MACF1: variants seen among roughly 807,000 people sequenced by gnomAD.
The protein encoded by MACF1 is microtubule-actin cross-linking factor 1.
MACF1 carries 193 observed loss-of-function variants against 854.8 expected under a neutral mutation model. The observed-to-expected ratio is 0.23, with a 90% CI of 0.20 to 0.25. The LOEUF is 0.25. MACF1 is among the 10% of genes least tolerant of loss of function. MACF1 has a pLI of 1.00. For synonymous variants in MACF1, 3,185 were observed against 3,226.7 expected (o/e 0.99, Z 0.44); for missense variants, 7,722 against 8,929.1 (o/e 0.86, Z 5.45).
intron 6 of MACF1, chr1:39,269,866 A>T (rs1024115384): frequency 7.2e-6 from 4 of 552,932 alleles, no homozygotes; most frequent in African/African-American, 2.0e-5. Flanking sequence ...GGAGCTCAGC[A>T]AGCAGAATCT....
At chr1:39,116,924 TC>T (rs1642562447) in intron 2 of MACF1, among the ~76,000 whole-genome samples, 2 of 152,148 alleles carry the variant, frequency 1.3e-5, no homozygotes, top group Admixed American at 6.5e-5. Flanking sequence ...TTTACTACTC[TC>T]CCCAGGGCAG....
chr1:39,375,866 C>A (rs1410793697), intron 52 of MACF1, among the ~76,000 whole-genome samples: 1 of 152,230 alleles, frequency 6.6e-6, no homozygotes, highest in Non-Finnish European at 1.5e-5. Context: ...AACTGTCCAA[C>A]TGACTTGAAG....
chr1:39,207,305 T>G (rs1251140037), intron 1 of MACF1, among the ~76,000 whole-genome samples: 2 of 150,870 alleles, frequency 1.3e-5, no homozygotes, highest in East Asian at 2.0e-4. Flanking sequence ...GGAGACGGAG[T>G]TTTGCTCTTG....
At chr1:39,258,633 G>A (rs1645122898) in intron 6 of MACF1, among the ~76,000 whole-genome samples, 1 of 152,168 alleles carries the variant, frequency 6.6e-6, no homozygotes, top group Non-Finnish European at 1.5e-5. Flanking sequence ...GAAAAGTACA[G>A]CCCTATTTTT....
chr1:39,235,168 A>G (rs1191616693), intron 2 of MACF1, among the ~76,000 whole-genome samples: 1 of 152,092 alleles, frequency 6.6e-6, no homozygotes, highest in African/African-American at 2.4e-5. Context: ...TGGGAGGTGG[A>G]GGTTGTAGCG....
In MACF1 at chr1:39,105,795, T is replaced by C. The variant is rs1642215318; in HGVS notation, c.220+21357T>C. Reference sequence around the variant, plus strand: ...CTTCGGAGCCGGTCGGCTCGGCGGCTGCAGGTGGGGCGGCCGGGCGGGGTC... The same window carrying C: ...CTTCGGAGCCGGTCGGCTCGGCGGCCGCAGGTGGGGCGGCCGGGCGGGGTC... On this transcript the variant is annotated intron_variant, in intron 2 of 93. Coordinates refer to the MACF1 transcript ENST00000361689. This position sits in a 1 kb window ranked among gnomAD's most constrained non-coding sequence, Gnocchi z 5.9. 1.0e-6 allele frequency: 1 copy of C among 993,540 alleles called. No individual in the cohort carries two copies. Among genetic ancestry groups the C allele is most frequent in the Non-Finnish European group, 1.2e-6 (1 of 833,636 alleles). The allele number at this position is 993,540 out of a possible 1,614,324, so 61.5% of individuals were successfully genotyped here. A position where few individuals can be genotyped will look rare whatever the true frequency, so the allele number is the denominator to read the frequency against.
At chr1:39,247,773 C>T (rs945573334) in intron 2 of MACF1, among the ~76,000 whole-genome samples, 1 of 152,212 alleles carries the variant, frequency 6.6e-6, no homozygotes, top group Non-Finnish European at 1.5e-5. Context: ...TGGCTCACGC[C>T]TGTAATCCCA....
At chr1:39,393,200 T>C (rs11485524) in intron 58 of MACF1, among the ~76,000 whole-genome samples, 1 of 114,142 alleles carries the variant, frequency 8.8e-6, no homozygotes, top group Non-Finnish European at 1.7e-5. Flanking sequence ...AAAAAAAATA[T>C]ATATATATAT....
At chr1:39,447,179 A>G (rs77637975) in intron 80 of MACF1, among the ~76,000 whole-genome samples, 1,803 of 152,326 alleles carry the variant, frequency 0.012, 31 homozygotes, top group African/African-American at 0.041. Flanking sequence ...AGAGTAGCAG[A>G]GAAAGGAACT....
intron 6 of MACF1, among the ~76,000 whole-genome samples, chr1:39,267,738 C>G (rs1334436419): frequency 6.6e-6 from 1 of 152,046 alleles, no homozygotes; most frequent in Non-Finnish European, 1.5e-5. Flanking sequence ...CATCAGAGAC[C>G]CTGTTCATCT....
At chr1:39,100,593 C>G (rs1189122006) in intron 2 of MACF1, among the ~76,000 whole-genome samples, 1 of 152,162 alleles carries the variant, frequency 6.6e-6, no homozygotes. Context: ...GTGGCTCATG[C>G]CTGTAATCCC....
chr1:39,421,074 T>C (rs1004145439), intron 58 of MACF1, among the ~76,000 whole-genome samples: 5 of 151,930 alleles, frequency 3.3e-5, no homozygotes, highest in Admixed American at 3.3e-4. Context: ...ACCATGTTAG[T>C]CAGGATGGTC....
At chr1:39,192,324 C>T (rs542299969) in intron 2 of MACF1, among the ~76,000 whole-genome samples, 94 of 152,102 alleles carry the variant, frequency 6.2e-4, no homozygotes, top group African/African-American at 2.2e-3. Flanking sequence ...TGAGTCACCT[C>T]GGGGAATGGA....
At chr1:39,104,386 GTTTCCTTTCTTTACTC>G (rs1257126605) in intron 2 of MACF1, among the ~76,000 whole-genome samples, 1 of 152,176 alleles carries the variant, frequency 6.6e-6, no homozygotes, top group Non-Finnish European at 1.5e-5. Flanking sequence ...ATATTTTCCA[GTTTCCTTTCTTTACTC>G]TTTCCTTTCC....
At chr1:39,393,196 A>AAAAAAAAAAAAAAAAAAAAATATATAT in intron 58 of MACF1, among the ~76,000 whole-genome samples, 1 of 66,564 alleles carries the variant, frequency 1.5e-5, no homozygotes. Context: ...AAAAAAAAAA[A>AAAAAAAAAAAAAAAAAAAAATATATAT]ATATATATAT....
chr1:39,234,651 C>CCCCA (rs1557534237), intron 2 of MACF1, among the ~76,000 whole-genome samples: 1 of 120,894 alleles, frequency 8.3e-6, no homozygotes, highest in Non-Finnish European at 1.8e-5. Context: ...GGGCTGACCC[C>CCCCA]CCCACCTCCC....
At position 39,282,262 on chromosome 1, in the gene MACF1, C is replaced by G. The variant is rs758822360; in HGVS notation, c.583C>G (p.Leu195Val). ...AGGGGATATGTCAGCCAAGGAGAAA[C>G]TACTCCTGTGGACCCAGAAGGTGAC... is the stretch of plus-strand genomic sequence containing the variant. ...ESGDMSAKEK[L>V]LLWTQKVTAG... Residue 195 changes from leucine to valine, a missense_variant, in exon 7 of 101, where the codon CTA (leucine) becomes GTA (valine). Transcript: ENST00000564288. 1 of 1,614,066 alleles carries G rather than the reference C, an allele frequency of 6.2e-7. No individual in the cohort carries two copies.
At position 39,309,585 on chromosome 1, in the gene MACF1, T is replaced by C. The variant is rs749912487; in HGVS notation, c.2805T>C (p.Tyr935=). 10 of 1,614,200 alleles carry C rather than the reference T, an allele frequency of 6.2e-6. No homozygotes were observed. The highest frequency in any genetic ancestry group is 4.5e-5 in the East Asian group (2 of 44,886). Residue 935 remains tyrosine, a synonymous_variant, in exon 24 of 101, where the codon TAT becomes TAC. Coordinates refer to ENST00000564288, the MANE Select transcript of MACF1 (RefSeq NM_001394062.1). ...TTATTTCTAGGGTCGAACAATCTTATCAGAAGGTTATGGCCCTTTGGCATC... is the reference window on the plus strand; with the variant it reads ...TTATTTCTAGGGTCGAACAATCTTACCAGAAGGTTATGGCCCTTTGGCATC... ...IEMASRVEQS[Y]QKVMALWHQL...
intron 26 of MACF1, among the ~76,000 whole-genome samples, chr1:39,312,020 C>A (rs1305997768): frequency 6.6e-6 from 1 of 152,134 alleles, no homozygotes; most frequent in Admixed American, 6.6e-5. Context: ...TGGGAATTCT[C>A]ATGTGGAAGC....
Sources: allele counts gnomAD v4.1 joint callset (sites outside exome capture counted in the v4.1 genomes callset), GRCh38; gene constraint gnomAD v4.1.1; non-coding constraint Gnocchi (gnomAD v3.1); transcripts MANE v1.5; gene names NCBI Gene and HGNC (gene_info 2026-07-23, HGNC 2026-07-21).